Variants in NRG1 observed in about 807,000 individuals in gnomAD.
NRG1 encodes pro-neuregulin-1, membrane-bound isoform.
A neutral mutation model predicts 63.8 loss-of-function variants in NRG1; 18 were observed. The observed-to-expected ratio is 0.28, with a 90% CI of 0.19 to 0.42. NRG1 has a LOEUF of 0.42. NRG1 is among the 10% of genes least tolerant of loss of function. NRG1 has a pLI of 1.00. For missense variants in NRG1, 762 were observed against 814.7 expected (o/e 0.94, Z 0.79); for synonymous variants, 302 against 301.3 (o/e 1.00, Z -0.02).
chr8:31,775,674 G>A (rs1175774526), intron 1 of NRG1, among the ~76,000 whole-genome samples: 1 of 152,010 alleles, frequency 6.6e-6, no homozygotes, highest in Non-Finnish European at 1.5e-5. Context: ...ATGATGTCAG[G>A]AGATCGACAC....
At chr8:32,233,549 ATATATATATATATATTTTTTT>A (rs902942837) in intron 1 of NRG1, among the ~76,000 whole-genome samples, 1 of 71,524 alleles carries the variant, frequency 1.4e-5, no homozygotes, top group African/African-American at 5.6e-5. Flanking sequence ...ATATATATAT[ATATATATATATATATTTTTTT>A]TTTTTTTTCT....
chr8:32,637,339 A>G (rs879820349), intron 5 of NRG1, among the ~76,000 whole-genome samples: 2 of 152,196 alleles, frequency 1.3e-5, no homozygotes, highest in Admixed American at 6.5e-5. Context: ...GAGAACATGT[A>G]GGTCATGGAT....
At chr8:32,216,672 G>A (rs1845258925) in intron 1 of NRG1, among the ~76,000 whole-genome samples, 1 of 149,562 alleles carries the variant, frequency 6.7e-6, no homozygotes, top group African/African-American at 2.4e-5. Context: ...CTGGCAGAGT[G>A]TTTATATTAA....
At position 32,773,507 on chromosome 8, in the gene NRG1, C is replaced by T. The variant is rs374425305; in HGVS notation, c.942+13101C>T. ...GTGGAGCCACATTTCACCCACTGAT[C>T]AAGCCAGACCTGAGCAATAGTCTAG... is the stretch of plus-strand genomic sequence containing the variant. On this transcript the variant is annotated intron_variant, in intron 7 of 7. Coordinates refer to the NRG1 transcript ENST00000651335. 3.9e-5 allele frequency among the ~76,000 whole-genome samples: 6 copies of T among 152,288 alleles called. No homozygotes were observed. The East Asian group carries it at 1.2e-3, about 29-fold the overall frequency.
At chr8:31,804,929 G>C (rs1775493946) in intron 1 of NRG1, among the ~76,000 whole-genome samples, 2 of 152,228 alleles carry the variant, frequency 1.3e-5, no homozygotes, top group Admixed American at 1.3e-4. Context: ...ATTGGAGAAA[G>C]GAAATGCTTC....
chr8:31,734,194 C>T (rs937155702), intron 1 of NRG1, among the ~76,000 whole-genome samples: 10 of 152,206 alleles, frequency 6.6e-5, no homozygotes, highest in African/African-American at 1.9e-4. Flanking sequence ...GGCATGGTGG[C>T]GCGTACCTAT....
intron 1 of NRG1, among the ~76,000 whole-genome samples, chr8:32,217,887 C>T (rs2128080): frequency 0.055 from 8,445 of 152,214 alleles, 402 homozygotes; most frequent in East Asian, 0.26. Context: ...AAGTCTAAAA[C>T]AGATGATCCC....
intron 1 of NRG1, among the ~76,000 whole-genome samples, chr8:31,989,335 T>A (rs1810673778): frequency 6.6e-6 from 1 of 150,820 alleles, no homozygotes; most frequent in African/African-American, 2.4e-5. Flanking sequence ...TCTTGATAGC[T>A]TTTTAGCAGG....
Position 32,578,994 on chromosome 8 carries a change from A to T in NRG1, c.101-16834A>T, listed in dbSNP as rs375192564. ...GGTTTATTAAATTTTTAGGTTTATT[A>T]AAATTCCTAAATGATGATATTTTTA... On this transcript the variant is annotated intron_variant, in intron 1 of 11. Transcript: ENST00000356819. 3.3e-3 allele frequency among the ~76,000 whole-genome samples: 505 copies of T among 152,274 alleles called. 5 individuals carry two copies. The highest frequency in any genetic ancestry group is 0.012 in the African/African-American group (492 of 41,536).
At chr8:32,572,128 T>C (rs1838719064) in intron 1 of NRG1, among the ~76,000 whole-genome samples, 1 of 152,210 alleles carries the variant, frequency 6.6e-6, no homozygotes, top group African/African-American at 2.4e-5. Context: ...ATTATTCTCA[T>C]TTCCTGTTTT....
At chr8:32,705,183 A>G (rs1421706701) in intron 5 of NRG1, among the ~76,000 whole-genome samples, 1 of 144,984 alleles carries the variant, frequency 6.9e-6, no homozygotes, top group African/African-American at 2.6e-5. Flanking sequence ...CCCAGGCTGG[A>G]GTGCAGTGGC....
chr8:32,297,678 G>A (rs919055853), intron 1 of NRG1, among the ~76,000 whole-genome samples: 8 of 152,240 alleles, frequency 5.3e-5, no homozygotes, highest in Admixed American at 5.2e-4. Context: ...CTCCTATTGG[G>A]TGCCACTGTC....
intron 1 of NRG1, among the ~76,000 whole-genome samples, chr8:32,078,725 A>T (rs531638172): frequency 6.6e-6 from 1 of 152,190 alleles, no homozygotes; most frequent in Non-Finnish European, 1.5e-5. Flanking sequence ...TCTAAAGAAC[A>T]AATAATCTCC....
At chr8:31,958,172 C>A (rs1269515529) in intron 1 of NRG1, among the ~76,000 whole-genome samples, 1 of 152,018 alleles carries the variant, frequency 6.6e-6, no homozygotes. Flanking sequence ...AATTGGCATA[C>A]ATCCCAGAAC....
chr8:32,392,831 T>C (rs988675941), intron 1 of NRG1, among the ~76,000 whole-genome samples: 7 of 152,176 alleles, frequency 4.6e-5, no homozygotes, highest in Non-Finnish European at 8.8e-5. Context: ...TCAGTTTTTA[T>C]GGGAAACCAG....
chr8:32,576,269 T>C (rs1839615414), intron 1 of NRG1, among the ~76,000 whole-genome samples: 1 of 152,102 alleles, frequency 6.6e-6, no homozygotes, highest in African/African-American at 2.4e-5. Context: ...TGGAAGGAGG[T>C]GTCTAGCTCA....
intron 1 of NRG1, among the ~76,000 whole-genome samples, chr8:31,835,490 C>T (rs537094627): frequency 1.3e-5 from 2 of 152,120 alleles, no homozygotes; most frequent in African/African-American, 2.4e-5. Flanking sequence ...GTAGTATAGA[C>T]GCTTGATATT....
intron 1 of NRG1, among the ~76,000 whole-genome samples, chr8:31,670,577 T>G (rs541029977): frequency 1.3e-5 from 2 of 152,038 alleles, no homozygotes; most frequent in East Asian, 3.9e-4. Context: ...CTTTGTTTTT[T>G]TTTTTGTCGA....
chr8:31,785,506 C>CT (rs1191344249), intron 1 of NRG1, among the ~76,000 whole-genome samples: 11 of 152,050 alleles, frequency 7.2e-5, no homozygotes, highest in Non-Finnish European at 1.6e-4. Context: ...GAATTGATTG[C>CT]TTTTTTCTCA....
Sources: allele counts gnomAD v4.1 joint callset (sites outside exome capture counted in the v4.1 genomes callset), GRCh38; gene constraint gnomAD v4.1.1; transcripts MANE v1.5; gene names NCBI Gene and HGNC (gene_info 2026-07-23, HGNC 2026-07-21).